The following RASA3 variants were observed in gnomAD, a reference collection of about 807,000 sequenced individuals.
RASA3 encodes the protein ras GTPase-activating protein 3.
A neutral mutation model predicts 110.0 loss-of-function variants in RASA3; 73 were observed. The ratio of observed to expected loss-of-function variants is 0.66; its 90% CI spans 0.55 to 0.81. The LOEUF (loss-of-function observed/expected upper bound fraction) is 0.81. Ranked by LOEUF, RASA3 falls within the 30% of genes least tolerant of loss-of-function variation. The pLI, the probability that RASA3 is intolerant of heterozygous loss-of-function variation, is 0.00. For missense variants in RASA3, 976 were observed against 1,113.2 expected (o/e 0.88, Z 1.75); for synonymous variants, 500 against 451.4 (o/e 1.11, Z -1.37).
chr13:114,132,554 A>T lies in RASA3; in HGVS notation c.-65T>A. ...CGCCGAGCCCGGGCAGCTCAGGCCGAGCAGGAGGAGCGGCGGCGCCGGAGC... is the reference window on the plus strand; with the variant it reads ...CGCCGAGCCCGGGCAGCTCAGGCCGTGCAGGAGGAGCGGCGGCGCCGGAGC... On this transcript the variant is annotated 5_prime_UTR_variant, in exon 1 of 24. Transcript: ENST00000334062. 8.0e-7 allele frequency: 1 copy of T among 1,252,472 alleles called. No homozygotes were observed. The allele number at this position is 1,252,472 out of a possible 1,614,324, so 77.6% of individuals were successfully genotyped here.
At chr13:114,003,776 A>G (rs2053455861) in intron 18 of RASA3, among the ~76,000 whole-genome samples, 1 of 152,200 alleles carries the variant, frequency 6.6e-6, no homozygotes, top group African/African-American at 2.4e-5. Flanking sequence ...CTATTTAAAA[A>G]AGTTTTAAAT....
intron 1 of RASA3, among the ~76,000 whole-genome samples, chr13:114,120,008 C>CT: frequency 1.5e-5 from 1 of 68,120 alleles, no homozygotes; most frequent in Non-Finnish European, 2.8e-5. Context: ...ATCAGGGCCC[C>CT]CCCTCCTCTC....
chr13:114,121,884 A>G (rs1242100945), intron 1 of RASA3, among the ~76,000 whole-genome samples: 1 of 152,186 alleles, frequency 6.6e-6, no homozygotes, highest in Non-Finnish European at 1.5e-5. Context: ...CCTGCCTCGC[A>G]CCATGCAGCC....
intron 2 of RASA3, among the ~76,000 whole-genome samples, chr13:114,054,957 GGT>G (rs2079213904): frequency 7.3e-6 from 1 of 137,902 alleles, no homozygotes; most frequent in South Asian, 2.4e-4. Context: ...TGTGTGTGTG[GGT>G]GTGTGCACGT....
chr13:114,098,036 A>G (rs1294974283), intron 1 of RASA3, among the ~76,000 whole-genome samples: 3 of 152,138 alleles, frequency 2.0e-5, no homozygotes, highest in Non-Finnish European at 2.9e-5. Context: ...CCCTCAGCTG[A>G]GCACGCCGAG....
chr13:114,077,563 A>C (rs1482935254), intron 1 of RASA3, among the ~76,000 whole-genome samples: 18 of 26,952 alleles, frequency 6.7e-4, no homozygotes, highest in East Asian at 2.0e-3. Context: ...GCCCAGTCCC[A>C]CCGCACTGGC....
intron 18 of RASA3, among the ~76,000 whole-genome samples, chr13:114,003,588 T>G (rs943557983): frequency 1.3e-5 from 2 of 152,266 alleles, no homozygotes; most frequent in Non-Finnish European, 2.9e-5. Context: ...CCTTGCTTTG[T>G]GCTAATAACT....
At chr13:114,051,388 G>A (rs9562212) in intron 3 of RASA3, among the ~76,000 whole-genome samples, 12,994 of 152,276 alleles carry the variant, frequency 0.085, 1,172 homozygotes, top group African/African-American at 0.22. Flanking sequence ...CGCCTGCTGC[G>A]TGAGGTCTGC....
In RASA3 at chr13:113,981,679, T is replaced by C; in HGVS notation, c.2425A>G (p.Ser809Gly). 6.2e-7 allele frequency: 1 copy of C among 1,613,174 alleles called. No homozygotes were observed. The highest frequency in any genetic ancestry group is 8.5e-7 in the Non-Finnish European group (1 of 1,179,610). The change falls in exon 23 of 24, where the codon AGC (serine) becomes GGC (glycine). Residue 809 changes from serine (S) to glycine (G), a missense_variant. Ser to Gly is a moderately conservative substitution (Grantham distance 56). Around this residue, in one of 4 missense-constraint regions of RASA3, gnomAD observed 132 missense variants for 152.8 expected, o/e 0.86. Coordinates refer to ENST00000334062, the MANE Select transcript of RASA3 (RefSeq NM_007368.4). Reference sequence around the variant, plus strand: ...AGGCACGGGAGTGGCACTCACTGGCTTCCATATTTCGTCTTCTTGAACTTG... The same window carrying C: ...AGGCACGGGAGTGGCACTCACTGGCCTCCATATTTCGTCTTCTTGAACTTG... ...RDKFKKTKYG[S>G]QEHPIGDKSF... is the part of the protein sequence containing the mutation.
chr13:114,116,783 G>T (rs1432310578), intron 1 of RASA3, among the ~76,000 whole-genome samples: 1 of 142,896 alleles, frequency 7.0e-6, no homozygotes, highest in African/African-American at 2.6e-5. Context: ...CGTGTGTGAA[G>T]GGTGCACGTG....
At position 114,013,186 on chromosome 13, in the gene RASA3, C is replaced by T. The variant is rs774825655; in HGVS notation, c.1468G>A (p.Ala490Thr). The T allele has an allele frequency of 1.5e-5, 25 of 1,613,274 alleles. No homozygotes were observed. The highest frequency in any genetic ancestry group is 3.3e-5 in the Admixed American group (2 of 59,940). The change falls in exon 15 of 24, where the codon GCC becomes ACC. Residue 490 changes from alanine to threonine, a missense_variant. This residue lies in a region of RASA3 where 732 missense variants were observed against 779.7 expected (regional missense o/e 0.94). Transcript: ENST00000334062. ...TGGAAGAGGTTGGGGGAGAGAATGG[C>T]GGGCGCAAAGAACCTCAGGAAGATG... ...SFIFLRFFAPAILSPNLFQLT... is the reference protein window; with the variant it reads ...SFIFLRFFAPTILSPNLFQLT...
At chr13:114,102,499 G>A (rs2080072552) in intron 1 of RASA3, among the ~76,000 whole-genome samples, 1 of 152,162 alleles carries the variant, frequency 6.6e-6, no homozygotes, top group South Asian at 2.1e-4. Context: ...AGCTGCGTGG[G>A]ACGGGCAGGA....
chr13:113,994,744 G>T (rs2053194385), intron 21 of RASA3, among the ~76,000 whole-genome samples: 1 of 152,184 alleles, frequency 6.6e-6, no homozygotes, highest in Non-Finnish European at 1.5e-5. Flanking sequence ...AGTGAAGTGG[G>T]AGGACTGCTT....
chr13:114,094,792 A>T (rs2079923841), intron 1 of RASA3, among the ~76,000 whole-genome samples: 1 of 152,216 alleles, frequency 6.6e-6, no homozygotes. Context: ...TTGTTGGGCT[A>T]TAATATACAC....
Position 114,057,759 on chromosome 13 carries a change from C to G in RASA3, c.174-5604G>C, listed in dbSNP as rs2079268837. On this transcript the variant is annotated intron_variant, in intron 2 of 23. Coordinates refer to ENST00000334062, the MANE Select transcript of RASA3 (RefSeq NM_007368.4). This position sits in a 1 kb window ranked among gnomAD's most constrained non-coding sequence, Gnocchi z 5.0. ...CTGAGAATGAACCCACAGCTAAAACCCATAAAACCTCCGCCAACCACACCC... is the reference window on the plus strand; with the variant it reads ...CTGAGAATGAACCCACAGCTAAAACGCATAAAACCTCCGCCAACCACACCC... Among the ~76,000 whole-genome samples, 1 of 152,298 alleles carries G rather than the reference C, an allele frequency of 6.6e-6. No individual in the cohort carries two copies. Among genetic ancestry groups the G allele is most frequent in the East Asian group, 1.9e-4 (1 of 5,166 alleles).
chr13:114,015,197 C>T lies in RASA3; in HGVS notation c.1405+12G>A, dbSNP rs772779647. 2.4e-5 allele frequency: 39 copies of T among 1,612,594 alleles called. 1 individual carries two copies. The South Asian group carries it at 4.2e-4, about 17-fold the overall frequency. ...AGTTTCTCAGCAACATGAGGGTGTT[C>T]AGGGCACTCACCCTGGAAGCGCTTG... On this transcript the variant is annotated intron_variant, in intron 14 of 23. Coordinates refer to ENST00000334062, the MANE Select transcript of RASA3 (RefSeq NM_007368.4).
chr13:114,003,632 C>T (rs902137925), intron 18 of RASA3, among the ~76,000 whole-genome samples: 3 of 151,082 alleles, frequency 2.0e-5, no homozygotes, highest in Admixed American at 2.0e-4. Flanking sequence ...AGCTGTTGGA[C>T]GTGCCCACAG....
At position 113,992,505 on chromosome 13, in the gene RASA3, C is replaced by T. The variant is rs371638768; in HGVS notation, c.2225G>A (p.Ser742Asn). The T allele has an allele frequency of 1.1e-5, 17 of 1,613,276 alleles. No individual in the cohort carries two copies. The highest frequency in any genetic ancestry group is 1.4e-5 in the Non-Finnish European group (17 of 1,179,768). Reference protein sequence around the residue: ...RIYSLFNLYMSKLEKMQEACG... With the variant: ...RIYSLFNLYMNKLEKMQEACG... ...CTCACCCTGCATCTTCTCCAGCTTG[C>T]TCATGTACAAGTTGAAGAGGGAGTA... The change falls in exon 22 of 24, where the codon AGC becomes AAC. Residue 742 changes from serine to asparagine, a missense_variant. Coordinates refer to ENST00000334062, the MANE Select transcript of RASA3 (RefSeq NM_007368.4).
chr13:114,093,925 A>C (rs2079915408), intron 1 of RASA3, among the ~76,000 whole-genome samples: 1 of 151,792 alleles, frequency 6.6e-6, no homozygotes, highest in South Asian at 2.1e-4. Flanking sequence ...CAATCTGTTA[A>C]CTTTCTCTGA....
Sources: gnomAD v4.1 joint callset for allele counts (sites outside exome capture counted in the v4.1 genomes callset) on GRCh38, gnomAD v4.1.1 for gene constraint, gnomAD v4.1.1 regional missense constraint, Gnocchi (gnomAD v3.1) non-coding constraint, MANE v1.5 for transcripts, NCBI Gene and HGNC (gene_info 2026-07-23, HGNC 2026-07-21) for gene names.